Variants in LRPPRC observed in about 807,000 individuals in gnomAD.
LRPPRC encodes leucine rich pentatricopeptide repeat containing, also known as leucine-rich PPR motif-containing protein, mitochondrial.
In LRPPRC, 120 loss-of-function variants were observed where a neutral mutation model predicts 180.3. The ratio of observed to expected loss-of-function variants is 0.67; its 90% CI spans 0.57 to 0.77. The LOEUF is 0.77. Among genes scored for constraint, LRPPRC ranks in the 30% least tolerant of loss-of-function variants. The pLI is 0.00. For missense variants in LRPPRC, 2,012 were observed against 1,657.2 expected (o/e 1.21, Z -3.72); for synonymous variants, 723 against 600.0 (o/e 1.21, Z -3.00).
chr2:43,990,885 G>A (rs1350191702), intron 1 of LRPPRC, among the ~76,000 whole-genome samples: 1 of 147,340 alleles, frequency 6.8e-6, no homozygotes, highest in South Asian at 2.1e-4. Flanking sequence ...TCGCTTCGTA[G>A]CCCAGGCTGG....
intron 36 of LRPPRC, among the ~76,000 whole-genome samples, chr2:43,893,731 T>C (rs1248687665): frequency 6.6e-6 from 1 of 152,184 alleles, no homozygotes; most frequent in Non-Finnish European, 1.5e-5. Flanking sequence ...TGCCTGTGTT[T>C]AGTTACTGGA....
chr2:43,935,251 A>G (rs561107286), intron 23 of LRPPRC, among the ~76,000 whole-genome samples: 29 of 152,350 alleles, frequency 1.9e-4, no homozygotes, highest in Non-Finnish European at 3.5e-4. Context: ...ACTACCGTCA[A>G]ATACTTTTTT....
chr2:43,981,431 C>T (rs1445987266), intron 2 of LRPPRC, among the ~76,000 whole-genome samples: 6 of 152,060 alleles, frequency 3.9e-5, no homozygotes, highest in Admixed American at 6.5e-5. Flanking sequence ...GAGGCCAAGG[C>T]GGGTGGATCA....
intron 30 of LRPPRC, among the ~76,000 whole-genome samples, chr2:43,909,231 T>TA (rs1671169399): frequency 6.6e-6 from 1 of 152,214 alleles, no homozygotes; most frequent in African/African-American, 2.4e-5. Flanking sequence ...CATAGTTAGA[T>TA]ATAACATTTT....
At chr2:43,906,423 T>G (rs1440821957) in intron 30 of LRPPRC, among the ~76,000 whole-genome samples, 2 of 152,068 alleles carry the variant, frequency 1.3e-5, no homozygotes, top group East Asian at 3.9e-4. Flanking sequence ...GAGCAAAAAA[T>G]CACTTGACTT....
rs148494289 is a variant in LRPPRC, at chr2:43,977,164, T to C, written c.582A>G (p.Gln194=). 6.2e-6 allele frequency: 10 copies of C among 1,611,952 alleles called. No individual in the cohort carries two copies. Among genetic ancestry groups the C allele is most frequent in the Non-Finnish European group, 4.2e-6 (5 of 1,178,134 alleles). The change falls in exon 4 of 38, where the codon CAA becomes CAG. Residue 194 remains glutamine, a synonymous_variant. Transcript: ENST00000260665. ...AATAGCAACTACTTACTCGATTTGGTTGAATGTTTGCTTCCTCCATTTTTG... is the reference window on the plus strand; with the variant it reads ...AATAGCAACTACTTACTCGATTTGGCTGAATGTTTGCTTCCTCCATTTTTG... ...FLAKMEEANI[Q]PNRVTYQRLI... is the part of the protein sequence containing the mutation.
intron 32 of LRPPRC, among the ~76,000 whole-genome samples, 172 bp downstream of exon 32, chr2:43,901,148 G>C (rs781476602): frequency 6.6e-6 from 1 of 152,086 alleles, no homozygotes; most frequent in African/African-American, 2.4e-5. Flanking sequence ...TTAAGGTAAA[G>C]AAAAAACATA....
rs1307033037 is a variant in LRPPRC, at chr2:43,946,223, T to C, written c.2100A>G (p.Glu700=). Residue 700 remains glutamate, a synonymous_variant, in exon 21 of 38, where the codon GAA becomes GAG. Coordinates refer to ENST00000260665, the MANE Select transcript of LRPPRC (RefSeq NM_133259.4). ...CSEENMQKAL[E]LKAKYESDMV... is the part of the protein sequence containing the mutation. ...TGTCGGATTCATATTTTGCTTTCAA[T>C]TCAAGGGCTTTTTGCATATTCTAAA... 9 of 1,611,978 alleles carry C rather than the reference T, an allele frequency of 5.6e-6. No individual in the cohort carries two copies. Among genetic ancestry groups the C allele is most frequent in the Non-Finnish European group, 6.8e-6 (8 of 1,178,322 alleles).
intron 29 of LRPPRC, among the ~76,000 whole-genome samples, chr2:43,915,110 A>G (rs1298781398): frequency 2.0e-5 from 3 of 149,886 alleles, no homozygotes; most frequent in African/African-American, 7.4e-5. Context: ...GGTGCCTATA[A>G]TCCCAGCTAC....
Position 43,934,288 on chromosome 2 carries a change from A to G in LRPPRC, c.2638T>C (p.Phe880Leu). 6.4e-7 allele frequency: 1 copy of G among 1,567,952 alleles called. No individual in the cohort carries two copies. The highest frequency in any genetic ancestry group is 1.1e-5 in the South Asian group (1 of 90,036). ...ETDLIQKAMD[F>L]VSQEQGEMVM... ...ATTTCACCTTGTTCTTGGCTCACAAAGTCCATTGCTAGGTAGGAGAGAAAA... is the reference window on the plus strand; with the variant it reads ...ATTTCACCTTGTTCTTGGCTCACAAGGTCCATTGCTAGGTAGGAGAGAAAA... Residue 880 changes from phenylalanine (F) to leucine (L), a missense_variant, in exon 25 of 38, where the codon TTT (phenylalanine) becomes CTT (leucine). Transcript: ENST00000260665.
chr2:43,984,833 G>A (rs1411576743), intron 1 of LRPPRC, among the ~76,000 whole-genome samples: 1 of 152,102 alleles, frequency 6.6e-6, no homozygotes, highest in Non-Finnish European at 1.5e-5. Flanking sequence ...GGAAATTATT[G>A]TATCATCTCA....
chr2:43,916,036 A>G (rs928326195), intron 29 of LRPPRC, among the ~76,000 whole-genome samples: 5 of 152,082 alleles, frequency 3.3e-5, no homozygotes, highest in Admixed American at 1.3e-4. Context: ...AGTTGTTGGG[A>G]TTATAGGCAT....
intron 2 of LRPPRC, 120 bp from the exon 3 acceptor site, chr2:43,980,068 A>G: frequency 1.1e-6 from 1 of 935,248 alleles, no homozygotes; most frequent in Non-Finnish European, 1.7e-6. Flanking sequence ...ACTGAGAGTA[A>G]CCATAAATTA....
chr2:43,963,237 G>T (rs1194212909), intron 12 of LRPPRC, among the ~76,000 whole-genome samples: 1 of 152,134 alleles, frequency 6.6e-6, no homozygotes, highest in East Asian at 1.9e-4. Flanking sequence ...CTGAGGTCGG[G>T]AGTTTGAGTC....
intron 1 of LRPPRC, among the ~76,000 whole-genome samples, chr2:43,990,568 TA>T (rs538582040): frequency 6.3e-4 from 96 of 152,192 alleles, no homozygotes; most frequent in Non-Finnish European, 1.2e-3. Context: ...CTACACGGGA[TA>T]AACGGCCTCC....
At chr2:43,936,461 G>C (rs561418408) in intron 23 of LRPPRC, among the ~76,000 whole-genome samples, 1 of 152,306 alleles carries the variant, frequency 6.6e-6, no homozygotes, top group East Asian at 1.9e-4. Flanking sequence ...AATCTTTGTA[G>C]AGAATATAAA....
At chr2:43,914,554 G>A (rs760189706) in intron 29 of LRPPRC, among the ~76,000 whole-genome samples, 23 of 151,532 alleles carry the variant, frequency 1.5e-4, no homozygotes, top group Non-Finnish European at 2.7e-4. Flanking sequence ...GTAGTGAAAC[G>A]CGGTCTATAC....
chr2:43,985,305 A>T (rs1029952661), intron 1 of LRPPRC, among the ~76,000 whole-genome samples: 1 of 152,210 alleles, frequency 6.6e-6, no homozygotes, highest in African/African-American at 2.4e-5. Flanking sequence ...GCTGTAGTGT[A>T]GTATCTTTGT....
chr2:43,961,911 C>A (rs1292282416), intron 12 of LRPPRC, among the ~76,000 whole-genome samples: 1 of 152,094 alleles, frequency 6.6e-6, no homozygotes, highest in East Asian at 1.9e-4. Flanking sequence ...TGCAATGAGA[C>A]CAGATCGCAC....
Sources: allele counts gnomAD v4.1 joint callset (sites outside exome capture counted in the v4.1 genomes callset), GRCh38; gene constraint gnomAD v4.1.1; transcripts MANE v1.5; gene names NCBI Gene and HGNC (gene_info 2026-07-23, HGNC 2026-07-21).